CTNND2: variants seen among roughly 807,000 people sequenced by gnomAD.
The protein encoded by CTNND2 is catenin delta 2, also known as catenin delta-2.
CTNND2 carries 22 observed loss-of-function variants against 144.4 expected under a neutral mutation model. That is an observed-to-expected ratio of 0.15 (90% CI 0.11 to 0.22). The LOEUF (loss-of-function observed/expected upper bound fraction) is 0.22, where lower values mean the gene tolerates loss of function less well. Ranked by LOEUF, CTNND2 falls within the 10% of genes least tolerant of loss-of-function variation. The pLI, the probability that CTNND2 is intolerant of heterozygous loss-of-function variation, is 1.00. For synonymous variants in CTNND2, 751 were observed against 695.6 expected (o/e 1.08, Z -1.25); for missense variants, 1,353 against 1,618.8 (o/e 0.84, Z 2.82).
chr5:11,244,061 A>G (rs1332823121), intron 9 of CTNND2, among the ~76,000 whole-genome samples: 1 of 152,198 alleles, frequency 6.6e-6, no homozygotes, highest in African/African-American at 2.4e-5. Flanking sequence ...AAGAGGAAGT[A>G]GGTGATTTTG....
intron 12 of CTNND2, among the ~76,000 whole-genome samples, chr5:11,128,741 T>TTATATATATTTA (rs1754953367): frequency 1.6e-5 from 1 of 61,980 alleles, no homozygotes; most frequent in Non-Finnish European, 2.6e-5. Context: ...ATATATATAT[T>TTATATATATTTA]TATATATATT....
intron 9 of CTNND2, among the ~76,000 whole-genome samples, chr5:11,341,742 T>C (rs32131): frequency 0.28 from 42,104 of 152,096 alleles, 6,127 homozygotes; most frequent in Admixed American, 0.35. Flanking sequence ...GCACTGTAGC[T>C]CATGCTTGCA....
intron 11 of CTNND2, among the ~76,000 whole-genome samples, chr5:11,173,372 G>A (rs2149789497): frequency 6.6e-6 from 1 of 152,350 alleles, no homozygotes; most frequent in Admixed American, 6.5e-5. Flanking sequence ...TGCTTCCACT[G>A]CTTCCCGCTG....
chr5:11,455,555 G>T lies in CTNND2; in HGVS notation c.288-43486C>A, dbSNP rs78503907. On this transcript the variant is annotated intron_variant, in intron 3 of 21. Coordinates refer to ENST00000304623, the MANE Select transcript of CTNND2 (RefSeq NM_001332.4). ...TACACCAGAAATTTCAGATTAAATG[G>T]CAAGACATGACCTTTTATGTCTCTT... Among the ~76,000 whole-genome samples the T allele has an allele frequency of 2.4e-3, 363 of 152,260 alleles. 2 individuals carry two copies. Among genetic ancestry groups the T allele is most frequent in the African/African-American group, 8.6e-3 (357 of 41,540 alleles).
At chr5:11,851,260 C>T (rs566492944) in intron 1 of CTNND2, among the ~76,000 whole-genome samples, 1,653 of 151,180 alleles carry the variant, frequency 0.011, 12 homozygotes, top group Middle Eastern at 0.024. Flanking sequence ...CTCTCTAATA[C>T]ATGCGTGTGT....
At chr5:11,170,811 G>A (rs1191509372) in intron 11 of CTNND2, among the ~76,000 whole-genome samples, 1 of 152,154 alleles carries the variant, frequency 6.6e-6, no homozygotes, top group African/African-American at 2.4e-5. Flanking sequence ...AAGAAACAGA[G>A]ATTTAATGGA....
At chr5:11,418,556 A>T (rs1235034782) in intron 3 of CTNND2, among the ~76,000 whole-genome samples, 4 of 152,220 alleles carry the variant, frequency 2.6e-5, no homozygotes, top group African/African-American at 9.6e-5. Flanking sequence ...ATGCCTTACA[A>T]GAAGTTTATG....
chr5:11,526,770 C>G (rs1481836513), intron 3 of CTNND2, among the ~76,000 whole-genome samples: 1 of 152,154 alleles, frequency 6.6e-6, no homozygotes, highest in Non-Finnish European at 1.5e-5. Context: ...CCCAGGAGAA[C>G]TGAAACAGGG....
At chr5:11,483,068 T>C (rs1329117112) in intron 3 of CTNND2, among the ~76,000 whole-genome samples, 1 of 151,978 alleles carries the variant, frequency 6.6e-6, no homozygotes, top group Non-Finnish European at 1.5e-5. Flanking sequence ...TGGCTGCTAT[T>C]GAGGTGATTT....
intron 11 of CTNND2, among the ~76,000 whole-genome samples, chr5:11,190,077 A>T (rs1736089017): frequency 6.6e-6 from 1 of 152,226 alleles, no homozygotes; most frequent in Non-Finnish European, 1.5e-5. Context: ...CATGAGATAC[A>T]AAGCTGGTTA....
chr5:11,181,466 G>A (rs1376488040), intron 11 of CTNND2, among the ~76,000 whole-genome samples: 1 of 152,152 alleles, frequency 6.6e-6, no homozygotes, highest in African/African-American at 2.4e-5. Context: ...GCCCCGGGGA[G>A]CCATGGTGAC....
Position 10,992,786 on chromosome 5 carries a change from G to T in CTNND2, c.3085-109C>A, listed in dbSNP as rs551188096. The T allele has an allele frequency of 1.4e-4, 201 of 1,416,490 alleles. No homozygotes were observed. In the Middle Eastern group the frequency reaches 3.7e-3, roughly 26 times the overall value. 87.7% of individuals were successfully genotyped at this position (1,416,490 alleles called of 1,614,324 possible). A position where few individuals can be genotyped will look rare whatever the true frequency, so the allele number is the denominator to read the frequency against. On this transcript the variant is annotated intron_variant, in intron 18 of 21. Transcript: ENST00000304623. Reference sequence around the variant, plus strand: ...GATTTGCATAATATTTCTATGGTGTGTCAGAAGAGGTTCTTGAAGTTCTGC... The same window carrying T: ...GATTTGCATAATATTTCTATGGTGTTTCAGAAGAGGTTCTTGAAGTTCTGC...
Position 11,415,222 on chromosome 5 carries a change from CT to C in CTNND2, c.288-3154del, listed in dbSNP as rs1324482429. ...CCCACCAACAGTGTGTAAGTGTTCA[CT>C]TTTCTCCTCAACCTCTCCAGCATCT... On this transcript the variant is annotated intron_variant, in intron 3 of 21. Transcript: ENST00000304623. 2.0e-5 allele frequency among the ~76,000 whole-genome samples: 3 copies of C among 152,150 alleles called. No homozygotes were observed. In the South Asian group the frequency reaches 6.2e-4, roughly 32 times the overall value.
At chr5:11,547,200 G>A (rs571961844) in intron 3 of CTNND2, among the ~76,000 whole-genome samples, 3 of 151,296 alleles carry the variant, frequency 2.0e-5, no homozygotes, top group South Asian at 2.1e-4. Context: ...CCCTGGAGGC[G>A]GAGGTTGCGG....
chr5:11,739,526 C>T (rs1443977524), intron 1 of CTNND2, among the ~76,000 whole-genome samples: 1 of 152,178 alleles, frequency 6.6e-6, no homozygotes, highest in African/African-American at 2.4e-5. Flanking sequence ...AGAAACCACA[C>T]TCTGATGTCA....
At chr5:11,169,625 T>C (rs770399213) in intron 11 of CTNND2, among the ~76,000 whole-genome samples, 5 of 152,224 alleles carry the variant, frequency 3.3e-5, no homozygotes, top group African/African-American at 4.8e-5. Flanking sequence ...CGAGTGAGCA[T>C]GCATATATAA....
chr5:11,738,317 G>T (rs1383111998), intron 1 of CTNND2, among the ~76,000 whole-genome samples: 1 of 152,118 alleles, frequency 6.6e-6, no homozygotes, highest in African/African-American at 2.4e-5. Context: ...AGAAAAATTG[G>T]CCTGCATAAC....
chr5:11,103,685 C>CA (rs1291701139), intron 14 of CTNND2, among the ~76,000 whole-genome samples: 1 of 146,974 alleles, frequency 6.8e-6, no homozygotes, highest in African/African-American at 2.5e-5. Context: ...AAAAACAAAA[C>CA]AAAAAAACCC....
intron 3 of CTNND2, 137 bp from the exon 4 acceptor site, chr5:11,412,206 G>C: frequency 1.5e-6 from 1 of 651,284 alleles, no homozygotes. Context: ...ACTATGAAAA[G>C]GGATTCCACT....
Sources: allele counts gnomAD v4.1 joint callset (sites outside exome capture counted in the v4.1 genomes callset), GRCh38; gene constraint gnomAD v4.1.1; transcripts MANE v1.5; gene names NCBI Gene and HGNC (gene_info 2026-07-23, HGNC 2026-07-21).